Variants in BLOC1S6 observed in about 807,000 individuals in gnomAD.
The protein encoded by BLOC1S6 is biogenesis of lysosome-related organelles complex 1 subunit 6.
Under a neutral mutation model 24.7 loss-of-function variants are expected in BLOC1S6, and 24 were observed. The observed-to-expected ratio is 0.97, with a 90% CI of 0.70 to 1.37. BLOC1S6 has a LOEUF of 1.37. BLOC1S6 is among the 40% of genes most tolerant of loss of function. The pLI, the probability that BLOC1S6 is intolerant of heterozygous loss-of-function variation, is 0.00. For missense variants in BLOC1S6, 175 were observed against 196.2 expected (o/e 0.89, Z 0.64); for synonymous variants, 76 against 72.6 (o/e 1.05, Z -0.23).
intron 2 of BLOC1S6, among the ~76,000 whole-genome samples, chr15:45,596,592 A>G (rs777034829): frequency 1.3e-5 from 2 of 152,012 alleles, no homozygotes. Context: ...TTATTTAATA[A>G]GGGTTTTCTA....
At position 45,607,645 on chromosome 15, in the gene BLOC1S6, C is replaced by A. The variant is rs531504397; in HGVS notation, c.*1131C>A. 1 of 152,218 alleles carries A rather than the reference C, an allele frequency of 6.6e-6. No homozygotes were observed. Among genetic ancestry groups the A allele is most frequent in the Non-Finnish European group, 1.5e-5 (1 of 68,148 alleles). The allele number at this position is 152,218 out of a possible 1,614,324, so 9.4% of individuals were successfully genotyped here. A position where few individuals can be genotyped will look rare whatever the true frequency, so the allele number is the denominator to read the frequency against. ...AAAATTAGCTGGGTGTGGGGGCGTG[C>A]GCCTGTAGTCCCAGCTACTTGGGAG... On this transcript the variant is annotated 3_prime_UTR_variant, in exon 5 of 5. Coordinates refer to ENST00000220531, the MANE Select transcript of BLOC1S6 (RefSeq NM_012388.4).
intron 2 of BLOC1S6, among the ~76,000 whole-genome samples, chr15:45,596,503 T>A (rs1894083293): frequency 6.6e-6 from 1 of 152,040 alleles, no homozygotes; most frequent in South Asian, 2.1e-4. Context: ...TGGCCACCAT[T>A]TGTTGAAAAA....
intron 1 of BLOC1S6, among the ~76,000 whole-genome samples, chr15:45,588,180 C>T (rs1893754404): frequency 6.6e-6 from 1 of 152,200 alleles, no homozygotes; most frequent in Non-Finnish European, 1.5e-5. Flanking sequence ...TTTTCTTTTA[C>T]CTCCTGTTTC....
chr15:45,603,640 G>C (rs544622744), intron 3 of BLOC1S6, among the ~76,000 whole-genome samples: 7 of 152,328 alleles, frequency 4.6e-5, no homozygotes, highest in African/African-American at 1.7e-4. Flanking sequence ...CTTGAGCCCA[G>C]GAGGTCGAGG....
intron 1 of BLOC1S6, 94 bp downstream of exon 1, chr15:45,587,619 G>A (rs1893726426): frequency 4.0e-6 from 5 of 1,262,164 alleles, no homozygotes; most frequent in South Asian, 3.9e-5. Flanking sequence ...GGGGGAGTAA[G>A]CGGTTTTTGG....
chr15:45,605,230 GA>G (rs1894406759), intron 3 of BLOC1S6, among the ~76,000 whole-genome samples, 197 bp from the exon 4 acceptor site: 1 of 152,108 alleles, frequency 6.6e-6, no homozygotes, highest in Non-Finnish European at 1.5e-5. Flanking sequence ...TTGTCAATCT[GA>G]ACTAAATCAA....
At position 45,606,772 on chromosome 15, in the gene BLOC1S6, A is replaced by G. The variant is rs1894481919; in HGVS notation, c.*258A>G. 2.1e-6 allele frequency: 1 copy of G among 466,944 alleles called. No individual in the cohort carries two copies. The highest frequency in any genetic ancestry group is 2.0e-5 in the African/African-American group (1 of 51,026). The allele number at this position is 466,944 out of a possible 1,614,324, so 28.9% of individuals were successfully genotyped here. ...TGATCTTGAATTATTTATAAACTGG[A>G]AAGTGGTTTGATTATTGTGAGTCAA... On this transcript the variant is annotated 3_prime_UTR_variant, in exon 5 of 5. Coordinates refer to ENST00000220531, the MANE Select transcript of BLOC1S6 (RefSeq NM_012388.4).
At chr15:45,592,854 C>G (rs1047977779) in intron 2 of BLOC1S6, among the ~76,000 whole-genome samples, 2 of 152,176 alleles carry the variant, frequency 1.3e-5, no homozygotes, top group South Asian at 2.1e-4. Context: ...ACAGACAACA[C>G]ACTCAGCTTC....
intron 3 of BLOC1S6, among the ~76,000 whole-genome samples, chr15:45,603,515 G>A (rs573675913): frequency 1.3e-5 from 2 of 152,140 alleles, no homozygotes; most frequent in Non-Finnish European, 2.9e-5. Flanking sequence ...TTCAAGACCA[G>A]CCTGGGCTAC....
In BLOC1S6 at chr15:45,603,262, T is replaced by C. The variant is rs566022328; in HGVS notation, c.312+75T>C. 6.6e-5 allele frequency: 60 copies of C among 909,068 alleles called. No homozygotes were observed. The South Asian group carries it at 7.8e-4, about 12-fold the overall frequency. The allele number at this position is 909,068 out of a possible 1,614,324, so 56.3% of individuals were successfully genotyped here. ...AGCTAAGACTTAGCTAAGCAATAGC[T>C]AAGATTTTAAGCTTAGAATTTGTCT... On this transcript the variant is annotated intron_variant, in intron 3 of 4. Transcript: ENST00000220531.
At chr15:45,597,590 A>C (rs887299289) in intron 2 of BLOC1S6, among the ~76,000 whole-genome samples, 2 of 152,164 alleles carry the variant, frequency 1.3e-5, no homozygotes, top group African/African-American at 4.8e-5. Flanking sequence ...GCTCCTGTAT[A>C]TATTTTGTTA....
At chr15:45,603,216 A>G (rs771693230) in intron 3 of BLOC1S6, 29 bp downstream of exon 3, 118 of 1,431,982 alleles carry the variant, frequency 8.2e-5, no homozygotes, top group Non-Finnish European at 1.0e-4. Context: ...ATGTAATTTA[A>G]TGACATCTTG....
chr15:45,603,296 A>G (rs2140916456), intron 3 of BLOC1S6, 109 bp downstream of exon 3: 1 of 693,408 alleles, frequency 1.4e-6, no homozygotes, highest in Non-Finnish European at 2.5e-6. Context: ...CTTTTTAACA[A>G]GAAACCTTGA....
At position 45,607,986 on chromosome 15, in the gene BLOC1S6, T is replaced by C. The variant is rs1031667731; in HGVS notation, c.*1472T>C. The C allele has an allele frequency of 6.6e-6, 1 of 152,508 alleles. No homozygotes were observed. Among genetic ancestry groups the C allele is most frequent in the Non-Finnish European group, 1.5e-5 (1 of 68,034 alleles). 9.4% of individuals were successfully genotyped at this position (152,508 alleles called of 1,614,324 possible). ...AGGTTTCATTGTTTAAAATCAAGAG[T>C]GTATTGTTTACTGTTTTACAGTATT... On this transcript the variant is annotated 3_prime_UTR_variant, in exon 5 of 5. Coordinates refer to ENST00000220531, the MANE Select transcript of BLOC1S6 (RefSeq NM_012388.4).
At chr15:45,590,569 G>T (rs1005920558) in intron 1 of BLOC1S6, among the ~76,000 whole-genome samples, 7 of 151,824 alleles carry the variant, frequency 4.6e-5, no homozygotes, top group African/African-American at 1.7e-4. Context: ...CACTACGCCC[G>T]GGAAATTTTT....
chr15:45,587,290 C>T (rs1420888361), upstream of BLOC1S6: 3 of 740,938 alleles, frequency 4.0e-6, no homozygotes, highest in Non-Finnish European at 7.0e-6. Context: ...AGCCAACTCT[C>T]GAGCGCGTGA....
rs1370678813 is a variant in BLOC1S6, at chr15:45,608,105, C to T, written c.*1591C>T. On this transcript the variant is annotated 3_prime_UTR_variant, in exon 5 of 5. Transcript: ENST00000220531. ...ATGGTATCTTTTATAATCCACAATA[C>T]ATTTCTGGTAAGATGGAATCACTAC... 2 of 152,604 alleles carry T rather than the reference C, an allele frequency of 1.3e-5. No homozygotes were observed. The highest frequency in any genetic ancestry group is 4.8e-5 in the African/African-American group (2 of 41,430). The allele number at this position is 152,604 out of a possible 1,614,324, so 9.5% of individuals were successfully genotyped here.
intron 4 of BLOC1S6, 52 bp downstream of exon 4, chr15:45,605,566 T>G: frequency 1.5e-6 from 2 of 1,365,206 alleles, no homozygotes; most frequent in Non-Finnish European, 2.0e-6. Flanking sequence ...TTTAATTGTT[T>G]TTTGTTGTTT....
chr15:45,596,960 T>A (rs994262297), intron 2 of BLOC1S6, among the ~76,000 whole-genome samples: 2 of 152,070 alleles, frequency 1.3e-5, no homozygotes, highest in Non-Finnish European at 1.5e-5. Context: ...CAGGAGTGAG[T>A]CACTGTGCCT....
Sources: gnomAD v4.1 joint callset for allele counts (sites outside exome capture counted in the v4.1 genomes callset) on GRCh38, gnomAD v4.1.1 for gene constraint, MANE v1.5 for transcripts, NCBI Gene and HGNC (gene_info 2026-07-23, HGNC 2026-07-21) for gene names.